HTT: variants seen among roughly 807,000 people sequenced by gnomAD.
HTT encodes huntington disease protein.
In HTT, 104 loss-of-function variants were observed where a neutral mutation model predicts 362.3. The ratio of observed to expected loss-of-function variants is 0.29; its 90% confidence interval spans 0.24 to 0.34. HTT has a LOEUF of 0.34. HTT is among the 10% of genes least tolerant of loss of function. The pLI, the probability that HTT is intolerant of heterozygous loss-of-function variation, is 1.00. For missense variants in HTT, 3,301 were observed against 3,928.6 expected (o/e 0.84, Z 4.27); for synonymous variants, 1,577 against 1,548.7 (o/e 1.02, Z -0.43).
At chr4:3,207,891 G>T (rs1260989781) in intron 45 of HTT, among the ~76,000 whole-genome samples, 1 of 151,840 alleles carries the variant, frequency 6.6e-6, no homozygotes, top group African/African-American at 2.4e-5. Context: ...TTCCATGACT[G>T]CAGAATAAGT....
At position 3,240,155 on chromosome 4, in the gene HTT, C is replaced by T. The variant is rs1327151961; in HGVS notation, c.*96C>T. The T allele has an allele frequency of 3.8e-6, 4 of 1,042,888 alleles. No homozygotes were observed. The highest frequency in any genetic ancestry group is 3.0e-5 in the South Asian group (2 of 67,586). The allele number at this position is 1,042,888 out of a possible 1,614,324, so 64.6% of individuals were successfully genotyped here. A position where few individuals can be genotyped will look rare whatever the true frequency, so the allele number is the denominator to read the frequency against. On this transcript the variant is annotated 3_prime_UTR_variant, in exon 67 of 67. Transcript: ENST00000355072. ...CTGCCTCCACCGAGCCAGCTTGGTC[C>T]CTATGGGCTTCCGCACATGCCGCGG...
chr4:3,229,626 G>A (rs553752353), intron 59 of HTT, among the ~76,000 whole-genome samples: 12 of 146,486 alleles, frequency 8.2e-5, no homozygotes, highest in Middle Eastern at 3.8e-3. Flanking sequence ...TGCACACCAC[G>A]CACACACACC....
Position 3,107,422 on chromosome 4 carries a change from A to T in HTT, c.746A>T (p.Lys249Met). ...AATTTTGCAAATGACAATGAAATTA[A>T]GGTATGATTGTTGCCTCAGGTCACA... is the stretch of plus-strand genomic sequence containing the variant. ...FGNFANDNEI[K>M]VLLKAFIANL... The change falls in exon 6 of 67, where the codon AAG (lysine) becomes ATG (methionine). Residue 249 changes from lysine (K) to methionine (M), a missense_variant and splice_region_variant. This residue lies in a region of HTT where 2,316 missense variants were observed against 2,658.5 expected (regional missense o/e 0.87). Transcript: ENST00000355072. 6.2e-7 allele frequency: 1 copy of T among 1,614,168 alleles called. No individual in the cohort carries two copies. Among genetic ancestry groups the T allele is most frequent in the South Asian group, 1.1e-5 (1 of 91,086 alleles).
chr4:3,189,496 A>G (rs928061804), intron 40 of HTT, among the ~76,000 whole-genome samples: 7 of 152,366 alleles, frequency 4.6e-5, no homozygotes, highest in Non-Finnish European at 8.8e-5. Context: ...CCTTAAGGAC[A>G]TTATGCTAAA....
chr4:3,115,420 T>C lies in HTT; in HGVS notation c.864T>C (p.Tyr288=). The C allele has an allele frequency of 6.2e-7, 1 of 1,613,782 alleles. No individual in the cohort carries two copies. Among genetic ancestry groups the C allele is most frequent in the Non-Finnish European group, 8.5e-7 (1 of 1,179,664 alleles). ...CQHSRRTQYF[Y]SWLLNVLLGL... ...ACTCAAGAAGGACACAATATTTCTA[T>C]AGTTGGCTACTAAATGTGCTCTTAG... is the stretch of plus-strand genomic sequence containing the variant. Residue 288 remains tyrosine, a synonymous_variant, in exon 7 of 67, where the codon TAT becomes TAC. Transcript: ENST00000355072.
rs768010459 is a variant in HTT, at chr4:3,215,176, G to A, written c.7019G>A (p.Ser2340Asn). ...ERRTNTPKAI[S>N]EEEEEVDPNT... ...AGGACAAATACCCCAAAAGCCATCA[G>A]CGAGGAGGAGGAGGAAGTAGATCCA... Residue 2340 changes from serine to asparagine, a missense_variant, in exon 51 of 67, where the codon AGC becomes AAC. Physicochemically the swap from Ser to Asn is conservative, Grantham distance 46 (BLOSUM62 1). Around this residue, in one of 4 missense-constraint regions of HTT, gnomAD observed 220 missense variants for 218.5 expected, o/e 1.01. Transcript: ENST00000355072. 3.1e-5 allele frequency: 50 copies of A among 1,613,992 alleles called. No individual in the cohort carries two copies. Among genetic ancestry groups the A allele is most frequent in the Non-Finnish European group, 3.4e-6 (4 of 1,179,996 alleles).
chr4:3,132,467 CCT>C (rs1223669596), intron 16 of HTT, 93 bp from the exon 17 acceptor site: 13 of 1,033,062 alleles, frequency 1.3e-5, no homozygotes, highest in Non-Finnish European at 8.6e-6. Flanking sequence ...TCTCTTCACA[CCT>C]CTTTTTCTCT....
intron 29 of HTT, among the ~76,000 whole-genome samples, chr4:3,167,834 C>G (rs1204163331): frequency 6.6e-6 from 1 of 152,148 alleles, no homozygotes; most frequent in Non-Finnish European, 1.5e-5. Flanking sequence ...ATAAGAATAA[C>G]TGGATAATTA....
chr4:3,229,270 T>C (rs200347737), intron 59 of HTT, among the ~76,000 whole-genome samples: 1,227 of 63,046 alleles, frequency 0.019, 6 homozygotes, highest in Middle Eastern at 0.032. Flanking sequence ...ACCACACACA[T>C]GCCACATGCA....
intron 64 of HTT, among the ~76,000 whole-genome samples, chr4:3,238,072 T>C (rs946828601): frequency 1.7e-4 from 26 of 152,302 alleles, no homozygotes; most frequent in Admixed American, 4.6e-4. Context: ...TATTCCTTTA[T>C]GTAGCTTTCA....
rs149670836 is a variant in HTT at position 3,212,749 on chromosome 4, G to C, written c.6774+40G>C. On this transcript the variant is annotated intron_variant, in intron 49 of 66. Coordinates refer to ENST00000355072, the MANE Select transcript of HTT (RefSeq NM_001388492.1). ...GGGAGCTCAGTGTTGCTGTGGGGAG[G>C]GGGCATGGGGCTGACACTGAAGAGG... 1.1e-4 allele frequency: 180 copies of C among 1,609,416 alleles called. No homozygotes were observed. In the Middle Eastern group the frequency reaches 1.8e-3, roughly 16 times the overall value.
intron 1 of HTT, among the ~76,000 whole-genome samples, chr4:3,078,828 G>A (rs1367419312): frequency 1.3e-5 from 2 of 151,608 alleles, no homozygotes; most frequent in Non-Finnish European, 2.9e-5. Flanking sequence ...TCCGCTTCCC[G>A]AGTTCACGCC....
chr4:3,107,928 G>A (rs913380667), intron 6 of HTT, among the ~76,000 whole-genome samples: 34 of 152,218 alleles, frequency 2.2e-4, no homozygotes, highest in Non-Finnish European at 8.8e-5. Flanking sequence ...AGGATTCTTA[G>A]CCTCTTCCTT....
At position 3,238,958 on chromosome 4, in the gene HTT, C is replaced by T. The variant is rs371718523; in HGVS notation, c.9195C>T (p.Thr3065=). ...SLSCFFVSAS[T]SPWVAAILPH... ...CCTGCTTCTTTGTCAGCGCGTCCACCAGCCCGTGGGTCGCGGCGATGTATC... is the reference window on the plus strand; with the variant it reads ...CCTGCTTCTTTGTCAGCGCGTCCACTAGCCCGTGGGTCGCGGCGATGTATC... The change falls in exon 66 of 67, where the codon ACC becomes ACT. Residue 3065 remains threonine, a synonymous_variant. Transcript: ENST00000355072. 2 of 1,608,218 alleles carry T rather than the reference C, an allele frequency of 1.2e-6. No individual in the cohort carries two copies. The highest frequency in any genetic ancestry group is 1.7e-6 in the Non-Finnish European group (2 of 1,178,944).
intron 10 of HTT, chr4:3,123,211 T>A: frequency 3.2e-6 from 1 of 315,504 alleles, no homozygotes; most frequent in Non-Finnish European, 5.8e-6. Flanking sequence ...GTCAGCAGAC[T>A]TTTTTTGTAA....
At chr4:3,149,245 C>T (rs1395736096) in intron 26 of HTT, among the ~76,000 whole-genome samples, 1 of 150,490 alleles carries the variant, frequency 6.6e-6, no homozygotes, top group Non-Finnish European at 1.5e-5. Context: ...AACTTCAAAA[C>T]AAATGTTAAC....
At chr4:3,194,062 T>C (rs1157968763) in intron 40 of HTT, among the ~76,000 whole-genome samples, 1 of 152,260 alleles carries the variant, frequency 6.6e-6, no homozygotes, top group Non-Finnish European at 1.5e-5. Context: ...ATAATTCATC[T>C]CGTGTTTTTA....
intron 65 of HTT, 83 bp from the exon 66 acceptor site, chr4:3,238,730 GCCCCC>G: frequency 1.5e-5 from 17 of 1,097,030 alleles, no homozygotes; most frequent in Non-Finnish European, 2.1e-5. Flanking sequence ...AATGCCTCTG[GCCCCC>G]ACCCCACCCC....
intron 37 of HTT, among the ~76,000 whole-genome samples, chr4:3,184,854 A>C (rs1440293488): frequency 6.6e-6 from 1 of 151,966 alleles, no homozygotes; most frequent in African/African-American, 2.4e-5. Flanking sequence ...GAGCCTGCTG[A>C]GTCCCAGCTC....
Sources: allele counts gnomAD v4.1 joint callset (sites outside exome capture counted in the v4.1 genomes callset), GRCh38; gene constraint gnomAD v4.1.1; regional missense constraint gnomAD v4.1.1; transcripts MANE v1.5; gene names NCBI Gene and HGNC (gene_info 2026-07-23, HGNC 2026-07-21).